The following PSD3 variants were observed in gnomAD, a reference collection of about 807,000 sequenced individuals.
PSD3 encodes the protein pleckstrin and Sec7 domain containing 3.
A neutral mutation model predicts 105.5 loss-of-function variants in PSD3; 49 were observed. The observed-to-expected ratio is 0.46, with a 90% CI of 0.37 to 0.59. The LOEUF is 0.59. Among genes scored for constraint, PSD3 ranks in the 20% least tolerant of loss-of-function variants. The pLI is 0.00. For missense variants in PSD3, 1,561 were observed against 1,263.8 expected (o/e 1.24, Z -3.57); for synonymous variants, 557 against 457.8 (o/e 1.22, Z -2.77).
In PSD3 at chr8:18,831,636, T is replaced by A. The variant is rs950217572; in HGVS notation, c.1635-26738A>T. On this transcript the variant is annotated intron_variant, in intron 4 of 15. Coordinates refer to ENST00000327040, the MANE Select transcript of PSD3 (RefSeq NM_015310.4). ...AGTCAGGAGGCTGAGGAAGGAGAAT[T>A]GCTTGAACTTGGGAGGCGGAAGTTG... 1.8e-4 allele frequency among the ~76,000 whole-genome samples: 28 copies of A among 152,164 alleles called. No individual in the cohort carries two copies. The South Asian group carries it at 1.9e-3, about 10-fold the overall frequency.
At chr8:18,890,827 G>A (rs925010182) in intron 2 of PSD3, among the ~76,000 whole-genome samples, 2 of 151,964 alleles carry the variant, frequency 1.3e-5, no homozygotes, top group Non-Finnish European at 2.9e-5. Context: ...GGGTGGGGGA[G>A]GGGGAACAAA....
chr8:19,010,592 A>T (rs369492854), intron 1 of PSD3, among the ~76,000 whole-genome samples: 1 of 152,270 alleles, frequency 6.6e-6, no homozygotes, highest in East Asian at 1.9e-4. Context: ...CTTAATTTGG[A>T]GCTTGTGAAA....
At chr8:19,039,668 A>G (rs1428472877) in intron 1 of PSD3, among the ~76,000 whole-genome samples, 3 of 152,208 alleles carry the variant, frequency 2.0e-5, no homozygotes, top group Non-Finnish European at 4.4e-5. Context: ...CATTCTTTCA[A>G]TAACCCAGGG....
At chr8:18,811,586 T>C (rs778120632) in intron 4 of PSD3, among the ~76,000 whole-genome samples, 1 of 152,182 alleles carries the variant, frequency 6.6e-6, no homozygotes, top group Admixed American at 6.5e-5. Flanking sequence ...GGAAACATTT[T>C]TCTACGAAGT....
intron 15 of PSD3, among the ~76,000 whole-genome samples, chr8:18,540,197 G>A (rs1800081680): frequency 6.6e-6 from 1 of 152,106 alleles, no homozygotes; most frequent in Admixed American, 6.6e-5. Flanking sequence ...GATAGAAGGT[G>A]GTAGGCAATA....
At chr8:18,767,608 G>T (rs986347871) in intron 8 of PSD3, among the ~76,000 whole-genome samples, 9 of 152,072 alleles carry the variant, frequency 5.9e-5, no homozygotes, top group African/African-American at 2.2e-4. Context: ...TTAGCCGGGT[G>T]CAGTGGCGGC....
intron 8 of PSD3, chr8:18,774,960 A>G (rs1356119855): frequency 2.2e-6 from 1 of 456,194 alleles, no homozygotes; most frequent in Admixed American, 2.3e-5. Context: ...CCCGAGGGAA[A>G]GAGAAAAGTG....
In PSD3 at chr8:18,758,395, G is replaced by A. The variant is rs138650921; in HGVS notation, c.2172+7054C>T. Among the ~76,000 whole-genome samples the A allele has an allele frequency of 2.7e-5, 4 of 150,772 alleles. No homozygotes were observed. In the East Asian group the frequency reaches 7.9e-4, roughly 30 times the overall value. On this transcript the variant is annotated intron_variant, in intron 9 of 15. Transcript: ENST00000327040. ...AAGGGGTAGATGGAACTCAGAAAGA[G>A]AGATGGGTCAGTTTTACTCTTTTTT...
At position 19,081,969 on chromosome 8, in the gene PSD3, C is replaced by T. The variant is rs560275384; in HGVS notation, c.324+2237G>A. ...ACTGAAAGCTTCCATTATGGGGGAT[C>T]GAGGGCATTAGCATCCACAGTGGTC... On this transcript the variant is annotated intron_variant, in intron 1 of 1. Transcript: ENST00000521475. 5.1e-4 allele frequency among the ~76,000 whole-genome samples: 78 copies of T among 152,210 alleles called. 1 individual carries two copies. The highest frequency in any genetic ancestry group is 1.8e-3 in the African/African-American group (74 of 41,536).
At position 18,531,435 on chromosome 8, in the gene PSD3, G is replaced by A. The variant is rs1410447563; in HGVS notation, c.*4308C>T. 2 of 151,328 alleles carry A rather than the reference G, an allele frequency of 1.3e-5. No individual in the cohort carries two copies. Among genetic ancestry groups the A allele is most frequent in the Admixed American group, 1.3e-4 (2 of 14,960 alleles). 9.4% of individuals were successfully genotyped at this position (151,328 alleles called of 1,614,324 possible). A position where few individuals can be genotyped will look rare whatever the true frequency, so the allele number is the denominator to read the frequency against. ...GTCCTTCCTTTATGGATGAGAGATG[G>A]AAAAGGAATCTGAGAGAAAAATCAG... On this transcript the variant is annotated 3_prime_UTR_variant, in exon 16 of 16. Coordinates refer to ENST00000327040, the MANE Select transcript of PSD3 (RefSeq NM_015310.4).
chr8:18,602,266 T>G (rs941411929), intron 11 of PSD3, among the ~76,000 whole-genome samples: 2 of 152,156 alleles, frequency 1.3e-5, no homozygotes, highest in Non-Finnish European at 2.9e-5. Flanking sequence ...TACAAAATTT[T>G]AAACAGCTCT....
intron 11 of PSD3, among the ~76,000 whole-genome samples, chr8:18,616,151 G>C (rs1274974403): frequency 1.3e-5 from 2 of 152,260 alleles, no homozygotes; most frequent in Non-Finnish European, 2.9e-5. Context: ...GCAGGAGCCA[G>C]AAAACGGTCT....
chr8:18,678,494 G>A (rs186402770), intron 9 of PSD3, among the ~76,000 whole-genome samples: 18 of 151,972 alleles, frequency 1.2e-4, no homozygotes, highest in African/African-American at 3.1e-4. Context: ...TGTTCTCTTC[G>A]CCTTGCTTCT....
At chr8:18,912,319 A>G (rs1002218230) in intron 2 of PSD3, among the ~76,000 whole-genome samples, 12 of 152,360 alleles carry the variant, frequency 7.9e-5, no homozygotes, top group African/African-American at 2.6e-4. Flanking sequence ...GCTAGCAGGA[A>G]TATCCTTCAG....
intron 15 of PSD3, among the ~76,000 whole-genome samples, chr8:18,555,999 A>G (rs936200694): frequency 2.0e-5 from 3 of 152,198 alleles, no homozygotes; most frequent in African/African-American, 7.2e-5. Context: ...TTAAGTGTAT[A>G]AACTGGCAGG....
At chr8:18,719,905 A>G (rs890904521) in intron 9 of PSD3, among the ~76,000 whole-genome samples, 4 of 152,212 alleles carry the variant, frequency 2.6e-5, no homozygotes, top group African/African-American at 9.7e-5. Context: ...CAGGCTCTAT[A>G]AACACGAAGG....
At chr8:18,537,563 G>A (rs1799910227) in intron 15 of PSD3, among the ~76,000 whole-genome samples, 1 of 152,174 alleles carries the variant, frequency 6.6e-6, no homozygotes. Context: ...TGGGCCATGT[G>A]ATATTGTGAC....
chr8:18,916,360 A>ACG, intron 2 of PSD3, among the ~76,000 whole-genome samples: 1 of 74,630 alleles, frequency 1.3e-5, no homozygotes, highest in Non-Finnish European at 2.7e-5. Context: ...ACACACACAC[A>ACG]CACACACACA....
intron 2 of PSD3, among the ~76,000 whole-genome samples, chr8:18,915,391 G>T (rs1820517818): frequency 6.6e-6 from 1 of 152,130 alleles, no homozygotes; most frequent in South Asian, 2.1e-4. Context: ...GGAAACAATT[G>T]TCAGGGTGAA....
Sources: gnomAD v4.1 joint callset for allele counts (sites outside exome capture counted in the v4.1 genomes callset) on GRCh38, gnomAD v4.1.1 for gene constraint, MANE v1.5 for transcripts, NCBI Gene and HGNC (gene_info 2026-07-23, HGNC 2026-07-21) for gene names.